Variants in LAMC3 observed in about 807,000 individuals in gnomAD.
LAMC3 encodes laminin subunit gamma-3.
LAMC3 carries 128 observed loss-of-function variants against 173.8 expected under a neutral mutation model. The observed-to-expected ratio is 0.74, with a 90% CI of 0.64 to 0.85. The LOEUF is 0.85. Ranked by LOEUF, LAMC3 falls within the 40% of genes least tolerant of loss-of-function variation. The pLI is 0.00. For synonymous variants in LAMC3, 897 were observed against 909.1 expected, an observed-to-expected ratio of 0.99 and a Z score of 0.24; for missense variants, 2,022 against 2,156.0, an observed-to-expected ratio of 0.94 and a Z score of 1.23.
rs188710464 is a variant in LAMC3, at chr9:131,056,933, A to T, written c.1944A>T (p.Pro648=). ...RVSPGPSPAG[P]VFLTEVRLTS... ...CTCTCCCTTCTCGCTCTGCAGGTCC[A>T]GTGTTCCTGACTGAGGTCCGGCTCA... Residue 648 remains proline (P), a synonymous_variant, in exon 12 of 28, where the codon CCA becomes CCT. Transcript: ENST00000361069. 2 of 1,612,142 alleles carry T rather than the reference A, an allele frequency of 1.2e-6. No individual in the cohort carries two copies. The highest frequency in any genetic ancestry group is 1.7e-6 in the Non-Finnish European group (2 of 1,179,816).
At chr9:131,083,886 T>G (rs1038370452) in intron 24 of LAMC3, among the ~76,000 whole-genome samples, 5 of 141,292 alleles carry the variant, frequency 3.5e-5, no homozygotes, top group Admixed American at 1.4e-4. Flanking sequence ...TTTTTTTTTT[T>G]TTTTTTGAGA....
rs1053457961 is a variant in LAMC3 at position 131,068,961 on chromosome 9, G to A, written c.2801G>A (p.Gly934Glu). 3.1e-6 allele frequency: 5 copies of A among 1,614,102 alleles called. No homozygotes were observed. Among genetic ancestry groups the A allele is most frequent in the Admixed American group, 3.3e-5 (2 of 60,018 alleles). The change falls in exon 16 of 28, where the codon GGA becomes GAA. Residue 934 changes from glycine to glutamate, a missense_variant. Physicochemically the swap from Gly to Glu is moderately conservative, Grantham distance 98. Coordinates refer to ENST00000361069, the MANE Select transcript of LAMC3 (RefSeq NM_006059.4). ...GAGGACCAGTGCCATCCCAAGACTG[G>A]ACAGTGCACCTGCCGCCCAGGTGTC... ...SQEDQCHPKT[G>E]QCTCRPGVTG...
chr9:131,054,337 G>A (rs1000998229), intron 11 of LAMC3, among the ~76,000 whole-genome samples: 8 of 152,152 alleles, frequency 5.3e-5, no homozygotes, highest in Admixed American at 3.3e-4. Context: ...AGGACATAGC[G>A]ACCCTCCCCA....
At chr9:131,060,667 TAATAAC>T (rs1298543506) in intron 12 of LAMC3, among the ~76,000 whole-genome samples, 11 of 85,772 alleles carry the variant, frequency 1.3e-4, no homozygotes, top group African/African-American at 5.4e-4. Flanking sequence ...ATAATAATAA[TAATAAC>T]AGCAGCGATG....
intron 27 of LAMC3, 149 bp downstream of exon 27, chr9:131,087,966 AT>A: frequency 1.4e-6 from 1 of 739,808 alleles, no homozygotes; most frequent in Non-Finnish European, 2.4e-6. Context: ...AATCACAAGC[AT>A]TTATAACCAT....
At chr9:131,053,391 C>T (rs1834337454) in intron 11 of LAMC3, among the ~76,000 whole-genome samples, 1 of 152,064 alleles carries the variant, frequency 6.6e-6, no homozygotes, top group South Asian at 2.1e-4. Context: ...CTAAGCCACC[C>T]TAGGAGGGTC....
chr9:131,071,704 T>C, intron 18 of LAMC3, 79 bp downstream of exon 18: 1 of 1,437,952 alleles, frequency 7.0e-7, no homozygotes. Context: ...CGTTGGATGC[T>C]TTGGGGGCCC....
rs535606032 is a variant in LAMC3, at chr9:131,032,442, C to T, written c.809+267C>T. Among the ~76,000 whole-genome samples, 161 of 126,610 alleles carry T rather than the reference C, an allele frequency of 1.3e-3. 1 individual carries two copies. Among genetic ancestry groups the T allele is most frequent in the African/African-American group, 4.5e-3 (160 of 35,732 alleles). 83.1% of individuals were successfully genotyped at this position (126,610 alleles called of 152,430 possible). On this transcript the variant is annotated intron_variant, in intron 3 of 27. Transcript: ENST00000361069. ...CAGCCTGGAGGTTCCTTCCTTCCTC[C>T]CTCCCTCCCTCCCTTCCTCCCTTCG... is the stretch of plus-strand genomic sequence containing the variant.
chr9:131,067,178 G>A lies in LAMC3; in HGVS notation c.2566G>A (p.Ala856Thr), dbSNP rs775287046. 1.7e-5 allele frequency: 28 copies of A among 1,613,908 alleles called. No individual in the cohort carries two copies. The highest frequency in any genetic ancestry group is 2.4e-5 in the Non-Finnish European group (28 of 1,180,012). The stretch of plus-strand genomic sequence containing the variant: ...GGAAGGCTTCTACGGGAGCGCCCTG[G>A]CCCCTCGACCCGCAGACAAATGCAT... ...CQEGFYGSALAPRPADKCMPC... is the reference protein window; with the variant it reads ...CQEGFYGSALTPRPADKCMPC... Residue 856 changes from alanine to threonine, a missense_variant, in exon 14 of 28, where the codon GCC (alanine) becomes ACC (threonine). Physicochemically the swap from Ala to Thr is moderately conservative, Grantham distance 58. Coordinates refer to ENST00000361069, the MANE Select transcript of LAMC3 (RefSeq NM_006059.4).
In LAMC3 at chr9:131,064,531, C is replaced by T. The variant is rs184617329; in HGVS notation, c.2348-2429C>T. 5.1e-3 allele frequency among the ~76,000 whole-genome samples: 769 copies of T among 152,002 alleles called. 5 individuals are homozygous for T. The highest frequency in any genetic ancestry group is 0.017 in the African/African-American group (689 of 41,468). ...ACAAAAAATTAGCCGGGCGAGGTGG[C>T]GGGCGCCTGTAGTCCCAGCTACGCG... On this transcript the variant is annotated intron_variant, in intron 13 of 27. Coordinates refer to ENST00000361069, the MANE Select transcript of LAMC3 (RefSeq NM_006059.4).
intron 21 of LAMC3, among the ~76,000 whole-genome samples, chr9:131,076,300 C>T (rs984623233): frequency 6.6e-6 from 1 of 152,114 alleles, no homozygotes; most frequent in Non-Finnish European, 1.5e-5. Context: ...CAGGGCAGCT[C>T]CTCTGAGCTC....
At chr9:131,077,069 T>A in intron 21 of LAMC3, 118 bp from the exon 22 acceptor site, 1 of 1,356,018 alleles carries the variant, frequency 7.4e-7, no homozygotes, top group Non-Finnish European at 1.0e-6. Flanking sequence ...CGCAGAGGGC[T>A]ATTCTGCCTG....
intron 11 of LAMC3, among the ~76,000 whole-genome samples, chr9:131,055,464 A>T (rs113655827): frequency 1.5e-4 from 18 of 118,486 alleles, no homozygotes; most frequent in Non-Finnish European, 2.6e-4. Context: ...TTGCTCTGTC[A>T]CCCAGGCTGG....
intron 1 of LAMC3, among the ~76,000 whole-genome samples, chr9:131,025,797 AG>A (rs1833704555): frequency 6.6e-6 from 1 of 152,142 alleles, no homozygotes; most frequent in African/African-American, 2.4e-5. Context: ...GAAATTTGGA[AG>A]ATAGAAACTT....
At chr9:131,069,892 A>G (rs778243471) in intron 17 of LAMC3, 42 bp downstream of exon 17, 1 of 1,544,130 alleles carries the variant, frequency 6.5e-7, no homozygotes, top group South Asian at 1.2e-5. Context: ...TTCATTCTGT[A>G]TTCCCAGCAA....
At chr9:131,059,852 G>A (rs532848641) in intron 12 of LAMC3, among the ~76,000 whole-genome samples, 46 of 152,346 alleles carry the variant, frequency 3.0e-4, no homozygotes, top group African/African-American at 1.1e-3. Flanking sequence ...GCCTAGGCTG[G>A]GACAGTTCCC....
intron 13 of LAMC3, among the ~76,000 whole-genome samples, chr9:131,064,585 C>T: frequency 6.6e-6 from 1 of 151,898 alleles, no homozygotes; most frequent in Non-Finnish European, 1.5e-5. Flanking sequence ...ATGGCGTGAA[C>T]CCCGGGGGGC....
At chr9:131,081,783 ATGT>A (rs1314412929) in intron 23 of LAMC3, among the ~76,000 whole-genome samples, 2 of 152,296 alleles carry the variant, frequency 1.3e-5, no homozygotes, top group Admixed American at 6.5e-5. Flanking sequence ...CCAATAGAAC[ATGT>A]TCTAAAGAGA....
chr9:131,067,850 TTGTC>T (rs1262141855), intron 14 of LAMC3, among the ~76,000 whole-genome samples: 1 of 152,166 alleles, frequency 6.6e-6, no homozygotes, highest in Non-Finnish European at 1.5e-5. Flanking sequence ...CTCAGAAGGA[TTGTC>T]TGTTACCATG....
Sources: allele counts gnomAD v4.1 joint callset (sites outside exome capture counted in the v4.1 genomes callset), GRCh38; gene constraint gnomAD v4.1.1; transcripts MANE v1.5; gene names NCBI Gene and HGNC (gene_info 2026-07-23, HGNC 2026-07-21).